Variants in TMEM120A observed in about 807,000 individuals in gnomAD.
TMEM120A encodes the protein ion channel TACAN.
In TMEM120A, 45 loss-of-function variants were observed where a neutral mutation model predicts 54.3. The observed-to-expected ratio is 0.83, with a 90% CI of 0.65 to 1.06. The LOEUF (loss-of-function observed/expected upper bound fraction) is 1.06. Ranked by LOEUF, TMEM120A falls within the 50% of genes least tolerant of loss-of-function variation. The pLI, the probability that TMEM120A is intolerant of heterozygous loss-of-function variation, is 0.00. For synonymous variants in TMEM120A, 204 were observed against 178.5 expected (o/e 1.14, Z -1.14); for missense variants, 424 against 441.7 (o/e 0.96, Z 0.36).
chr7:75,987,103 G>C lies in TMEM120A; in HGVS notation c.*69C>G. ...CCCCTGATACACGCACACTCGAGGG[G>C]CGCCTCCCATCCCCTCCCACAACAC... On this transcript the variant is annotated 3_prime_UTR_variant, in exon 12 of 12. Coordinates refer to ENST00000493111, the MANE Select transcript of TMEM120A (RefSeq NM_031925.3). The C allele has an allele frequency of 7.6e-7, 1 of 1,324,456 alleles. No individual in the cohort carries two copies. Among genetic ancestry groups the C allele is most frequent in the Non-Finnish European group, 1.1e-6 (1 of 940,516 alleles). 82.0% of individuals were successfully genotyped at this position (1,324,456 alleles called of 1,614,324 possible).
rs781980956 is a variant in TMEM120A at position 75,987,282 on chromosome 7, G to T, written c.922C>A (p.Leu308Ile). The T allele has an allele frequency of 5.8e-5, 93 of 1,597,078 alleles. 3 individuals are homozygous for T. The Middle Eastern group carries it at 6.0e-3, about 102-fold the overall frequency. ...QDPQCKEWQV[L>I]MCGFPFLLLF... The stretch of plus-strand genomic sequence containing the variant: ...AGGAGGAAGGGAAAGCCGCACATAA[G>T]CACCTGCCGGAGGAATAGGGTGAGG... The change falls in exon 12 of 12, where the codon CTT becomes ATT. Residue 308 changes from leucine (L) to isoleucine (I), a missense_variant. Physicochemically the swap from Leu to Ile is conservative, Grantham distance 5. Coordinates refer to ENST00000493111, the MANE Select transcript of TMEM120A (RefSeq NM_031925.3).
In TMEM120A at chr7:75,987,011, G is replaced by T. The variant is rs1163242782; in HGVS notation, c.*161C>A. 3.1e-6 allele frequency: 2 copies of T among 651,434 alleles called. No individual in the cohort carries two copies. The highest frequency in any genetic ancestry group is 5.3e-6 in the Non-Finnish European group (2 of 375,946). 40.4% of individuals were successfully genotyped at this position (651,434 alleles called of 1,614,324 possible). ...ACCTCTGGGCCTCTCTTTATTGAGG[G>T]CACTGGGCCCAGGTCTTCCTTCAGG... On this transcript the variant is annotated 3_prime_UTR_variant, in exon 12 of 12. Transcript: ENST00000493111.
Position 75,992,566 on chromosome 7 carries a change from C to G in TMEM120A, c.82-9G>C, listed in dbSNP as rs782489592. The G allele has an allele frequency of 2.6e-6, 4 of 1,556,984 alleles. No individual in the cohort carries two copies. In the Admixed American group the frequency reaches 5.7e-5, roughly 22 times the overall value. ...TAGAGCCGATGGGTCTCCTGGGGGC[C>G]GGAGGGGAGAGGCTCAGGCCAGTTG... is the stretch of plus-strand genomic sequence containing the variant. On this transcript the variant is annotated splice_polypyrimidine_tract_variant and intron_variant, in intron 1 of 11. Transcript: ENST00000493111.
At chr7:75,990,036 G>A (rs1385881632) in intron 3 of TMEM120A, among the ~76,000 whole-genome samples, 1 of 152,156 alleles carries the variant, frequency 6.6e-6, no homozygotes, top group Non-Finnish European at 1.5e-5. Flanking sequence ...GCATGGTTAG[G>A]CAATTTGCCC....
chr7:75,991,902 G>A (rs1229202358), intron 3 of TMEM120A, among the ~76,000 whole-genome samples: 8 of 152,042 alleles, frequency 5.3e-5, no homozygotes, highest in East Asian at 1.9e-4. Context: ...AGCCTTCTGC[G>A]ACCTCCTGGA....
rs1789996714 is a variant in TMEM120A, at chr7:75,994,562, G to GGGATGCAT, written c.8_9insATGCATCC (p.Pro4CysfsTer35). On this transcript the variant is annotated frameshift_variant, in exon 1 of 12. Coordinates refer to ENST00000493111, the MANE Select transcript of TMEM120A (RefSeq NM_031925.3). LOFTEE classifies it high-confidence loss of function. Reference sequence around the variant, plus strand: ...AGTCGCCCAGCGGGCCCGGGGGCGGGGGCTGCATGGCTGCAGCGCCAGTAG... The same window carrying GGGATGCAT: ...AGTCGCCCAGCGGGCCCGGGGGCGGGGGATGCATGGCTGCATGGCTGCAGCGCCAGTAG... 6.5e-7 allele frequency: 1 copy of GGGATGCAT among 1,546,764 alleles called. No homozygotes were observed.
intron 1 of TMEM120A, 72 bp downstream of exon 1, chr7:75,994,418 G>T (rs1056111927): frequency 2.8e-6 from 4 of 1,405,224 alleles, no homozygotes; most frequent in Non-Finnish European, 3.9e-6. Context: ...CTGACCCAGG[G>T]CTGCCCGACC....
At chr7:75,988,388 G>T (rs1044005117) in intron 5 of TMEM120A, 33 bp downstream of exon 5, 5 of 1,610,030 alleles carry the variant, frequency 3.1e-6, no homozygotes, top group African/African-American at 1.3e-5. Context: ...GACTGGGGAT[G>T]GGGTGGGTCC....
chr7:75,987,669 G>A (rs1554560247), intron 9 of TMEM120A, 49 bp downstream of exon 9: 2 of 1,607,404 alleles, frequency 1.2e-6, no homozygotes, highest in Admixed American at 1.7e-5. Flanking sequence ...TCAGACCCGG[G>A]ATGGGAGGAA....
intron 1 of TMEM120A, among the ~76,000 whole-genome samples, chr7:75,994,021 T>A (rs541122866): frequency 0.01 from 1,183 of 115,572 alleles, 16 homozygotes; most frequent in African/African-American, 0.037. Context: ...TCAAGTCCCC[T>A]CTTTCCTTCC....
In TMEM120A at chr7:75,987,205, A is replaced by C; in HGVS notation, c.999T>G (p.Phe333Leu). ...TCTTGCTCCCGTGCCGCTGACTGTG[A>C]AACTTGTGGTGCACAACCCTCAGGG... is the stretch of plus-strand genomic sequence containing the variant. Reference protein sequence around the residue: ...FTTLRVVHHKFHSQRHGSKKD With the variant: ...FTTLRVVHHKLHSQRHGSKKD Residue 333 changes from phenylalanine to leucine, a missense_variant, in exon 12 of 12, where the codon TTT becomes TTG. Coordinates refer to ENST00000493111, the MANE Select transcript of TMEM120A (RefSeq NM_031925.3). 6.2e-7 allele frequency: 1 copy of C among 1,608,060 alleles called. No individual in the cohort carries two copies. Among genetic ancestry groups the C allele is most frequent in the Non-Finnish European group, 8.5e-7 (1 of 1,177,864 alleles).
rs116954540 is a variant in TMEM120A at position 75,988,346 on chromosome 7, G to A, written c.474-5C>T. 33,682 of 1,611,916 alleles carry A rather than the reference G, an allele frequency of 0.021. 459 individuals are homozygous for A. Among genetic ancestry groups the A allele is most frequent in the East Asian group, 0.039 (1,753 of 44,700 alleles). ...TTGAAGGCAGCATCTGTCACCCTGCGGAGGGAGGGGACCGAGGGTTGGTAC... is the reference window on the plus strand; with the variant it reads ...TTGAAGGCAGCATCTGTCACCCTGCAGAGGGAGGGGACCGAGGGTTGGTAC... On this transcript the variant is annotated splice_polypyrimidine_tract_variant and splice_region_variant and intron_variant, in intron 5 of 11. Coordinates refer to ENST00000493111, the MANE Select transcript of TMEM120A (RefSeq NM_031925.3).
At position 75,987,111 on chromosome 7, in the gene TMEM120A, C is replaced by G. The variant is rs201788006; in HGVS notation, c.*61G>C. 16 of 1,404,262 alleles carry G rather than the reference C, an allele frequency of 1.1e-5. No homozygotes were observed. Among genetic ancestry groups the G allele is most frequent in the Non-Finnish European group, 1.6e-5 (16 of 1,012,682 alleles). The allele number at this position is 1,404,262 out of a possible 1,614,324, so 87.0% of individuals were successfully genotyped here. Reference sequence around the variant, plus strand: ...ACACGCACACTCGAGGGGCGCCTCCCATCCCCTCCCACAACACACAGGACA... The same window carrying G: ...ACACGCACACTCGAGGGGCGCCTCCGATCCCCTCCCACAACACACAGGACA... On this transcript the variant is annotated 3_prime_UTR_variant, in exon 12 of 12. Transcript: ENST00000493111.
At chr7:75,987,857 G>T (rs1789598488) in intron 8 of TMEM120A, 47 bp from the exon 9 acceptor site, 2 of 1,601,040 alleles carry the variant, frequency 1.2e-6, no homozygotes, top group African/African-American at 2.7e-5. Context: ...CCCGGGAGGG[G>T]TTCCCTGCCC....
In TMEM120A at chr7:75,987,607, G is replaced by A. The variant is rs369816145; in HGVS notation, c.785-5C>T. The stretch of plus-strand genomic sequence containing the variant: ...ACATCCAGGACTGGAAGCCCTCTGC[G>A]GGGAGGAAGGTCAGGGCACAGGACG... On this transcript the variant is annotated splice_polypyrimidine_tract_variant and splice_region_variant and intron_variant, in intron 9 of 11. Transcript: ENST00000493111. 5.6e-5 allele frequency: 90 copies of A among 1,607,808 alleles called. No individual in the cohort carries two copies. The highest frequency in any genetic ancestry group is 1.6e-4 in the Middle Eastern group (1 of 6,076).
intron 3 of TMEM120A, among the ~76,000 whole-genome samples, chr7:75,990,862 G>A (rs1197124209): frequency 7.2e-6 from 1 of 139,100 alleles, no homozygotes; most frequent in Non-Finnish European, 1.5e-5. Flanking sequence ...TCAAGTGACT[G>A]CACTCCAGCC....
intron 1 of TMEM120A, 49 bp downstream of exon 1, chr7:75,994,441 C>A (rs186344487): frequency 0.02 from 30,428 of 1,516,806 alleles, 400 homozygotes; most frequent in Non-Finnish European, 0.022. Flanking sequence ...TGACCCTGAG[C>A]CAGCGAGACG....
At position 75,987,874 on chromosome 7, in the gene TMEM120A, C is replaced by T. The variant is rs782755045; in HGVS notation, c.691+49G>A. The T allele has an allele frequency of 1.9e-6, 3 of 1,598,028 alleles. No individual in the cohort carries two copies. The East Asian group carries it at 6.8e-5, about 36-fold the overall frequency. ...CGGGAGGGGTTCCCTGCCCCTGCCCCCCACCACGGGTGCCTCCAGGGCTCA... is the reference window on the plus strand; with the variant it reads ...CGGGAGGGGTTCCCTGCCCCTGCCCTCCACCACGGGTGCCTCCAGGGCTCA... On this transcript the variant is annotated intron_variant, in intron 8 of 11. Transcript: ENST00000493111.
rs1789994201 is a variant in TMEM120A, at chr7:75,994,552, CCGGGGG to C, written c.13_18del (p.Pro5_Pro6del). 6.4e-7 allele frequency: 1 copy of C among 1,553,576 alleles called. No individual in the cohort carries two copies. The highest frequency in any genetic ancestry group is 1.4e-5 in the African/African-American group (1 of 72,266). ...TCCCGCAGGCAGTCGCCCAGCGGGC[CCGGGGG>C]CGGGGGCTGCATGGCTGCAGCGCCA... On this transcript the variant is annotated inframe_deletion, in exon 1 of 12. Coordinates refer to ENST00000493111, the MANE Select transcript of TMEM120A (RefSeq NM_031925.3).
Sources: allele counts gnomAD v4.1 joint callset (sites outside exome capture counted in the v4.1 genomes callset), GRCh38; gene constraint gnomAD v4.1.1; transcripts MANE v1.5; gene names NCBI Gene and HGNC (gene_info 2026-07-23, HGNC 2026-07-21).